The following SRBD1 variants were observed in gnomAD, a reference collection of about 807,000 sequenced individuals.
SRBD1 encodes the protein S1 RNA-binding domain-containing protein 1.
SRBD1 carries 88 observed loss-of-function variants against 115.3 expected under a neutral mutation model. The ratio of observed to expected loss-of-function variants is 0.76; its 90% CI spans 0.64 to 0.91. SRBD1 has a LOEUF of 0.91. Ranked by LOEUF, SRBD1 falls within the 40% of genes least tolerant of loss-of-function variation. The probability of loss-of-function intolerance (pLI) is 0.00; values close to 1 mark genes in which losing one functional copy is unlikely to be tolerated. For missense variants in SRBD1, 1,385 were observed against 1,177.4 expected, an observed-to-expected ratio of 1.18 and a Z score of -2.58; for synonymous variants, 509 against 407.7, an observed-to-expected ratio of 1.25 and a Z score of -2.99.
At chr2:45,553,765 C>G (rs1439160291) in intron 10 of SRBD1, 35 bp from the exon 11 acceptor site, 1 of 1,404,790 alleles carries the variant, frequency 7.1e-7, no homozygotes, top group East Asian at 2.4e-5. Context: ...AAAACTGATG[C>G]AACAATAAAT....
chr2:45,505,348 T>C (rs897963118), intron 14 of SRBD1, among the ~76,000 whole-genome samples: 7 of 152,158 alleles, frequency 4.6e-5, no homozygotes, highest in Non-Finnish European at 8.8e-5. Context: ...GAGCACATTC[T>C]GAAAAGAGCA....
chr2:45,526,006 CT>C lies in SRBD1; in HGVS notation c.1874+20725del, dbSNP rs577429097. Among the ~76,000 whole-genome samples the C allele has an allele frequency of 6.2e-4, 94 of 152,158 alleles. 1 individual carries two copies. The highest frequency in any genetic ancestry group is 9.8e-4 in the Admixed American group (15 of 15,268). ...GTAGATAAATCAGAACCCTCATACA[CT>C]GCTGGTGGGAATGCAGAAGAGTGCC... is the stretch of plus-strand genomic sequence containing the variant. On this transcript the variant is annotated intron_variant, in intron 14 of 20. Coordinates refer to ENST00000263736, the MANE Select transcript of SRBD1 (RefSeq NM_018079.5).
At chr2:45,522,574 C>G (rs1671319562) in intron 14 of SRBD1, among the ~76,000 whole-genome samples, 1 of 152,142 alleles carries the variant, frequency 6.6e-6, no homozygotes, top group South Asian at 2.1e-4. Context: ...AATGCAAATA[C>G]AGTTGACCCT....
intron 14 of SRBD1, among the ~76,000 whole-genome samples, chr2:45,544,152 G>C (rs1179709048): frequency 6.8e-6 from 1 of 147,926 alleles, no homozygotes; most frequent in Non-Finnish European, 1.5e-5. Context: ...AGAATGGCAT[G>C]AACCTGGGAG....
chr2:45,539,837 AAG>A (rs1165103323), intron 14 of SRBD1, among the ~76,000 whole-genome samples: 2 of 152,222 alleles, frequency 1.3e-5, no homozygotes, highest in East Asian at 3.8e-4. Context: ...CAAAAAAGGA[AAG>A]AAAGCATCAC....
chr2:45,545,185 C>T (rs918395246), intron 14 of SRBD1, among the ~76,000 whole-genome samples: 3 of 147,100 alleles, frequency 2.0e-5, no homozygotes, highest in African/African-American at 7.6e-5. Flanking sequence ...GAGGCTGAGG[C>T]AGGAGAGTGG....
intron 9 of SRBD1, 55 bp from the exon 10 acceptor site, chr2:45,562,811 C>A: frequency 8.3e-7 from 1 of 1,200,172 alleles, no homozygotes. Flanking sequence ...TGAAACAAAT[C>A]AGGCGACTAT....
At chr2:45,600,086 T>C (rs1321560232) in intron 3 of SRBD1, among the ~76,000 whole-genome samples, 1 of 152,186 alleles carries the variant, frequency 6.6e-6, no homozygotes, top group Non-Finnish European at 1.5e-5. Flanking sequence ...TGGGTGTGGC[T>C]ATAAAAGGGC....
At chr2:45,491,667 ATATTT>A (rs1222680018) in intron 14 of SRBD1, among the ~76,000 whole-genome samples, 1 of 152,134 alleles carries the variant, frequency 6.6e-6, no homozygotes, top group Non-Finnish European at 1.5e-5. Flanking sequence ...ATAATTTAAG[ATATTT>A]TATTTAAGCA....
chr2:45,448,428 C>T (rs1668893391), intron 16 of SRBD1, among the ~76,000 whole-genome samples: 1 of 152,138 alleles, frequency 6.6e-6, no homozygotes, highest in South Asian at 2.1e-4. Context: ...AAATCCCAAA[C>T]TTGGAGTGGA....
intron 14 of SRBD1, among the ~76,000 whole-genome samples, chr2:45,510,675 T>C (rs1375683329): frequency 6.6e-6 from 1 of 152,238 alleles, no homozygotes; most frequent in Non-Finnish European, 1.5e-5. Flanking sequence ...GAATTGTTTC[T>C]TGTCAAATTA....
At chr2:45,543,275 T>C (rs1024448324) in intron 14 of SRBD1, among the ~76,000 whole-genome samples, 1 of 152,332 alleles carries the variant, frequency 6.6e-6, no homozygotes, top group Admixed American at 6.5e-5. Flanking sequence ...ACTTGCCCCC[T>C]AATATGTGTA....
chr2:45,524,098 G>T (rs559973502), intron 14 of SRBD1, among the ~76,000 whole-genome samples: 2 of 151,962 alleles, frequency 1.3e-5, no homozygotes, highest in Non-Finnish European at 2.9e-5. Context: ...TGACAGAAGG[G>T]AGTATCTTTT....
At chr2:45,558,561 T>C (rs2104087898) in intron 10 of SRBD1, among the ~76,000 whole-genome samples, 1 of 152,312 alleles carries the variant, frequency 6.6e-6, no homozygotes, top group South Asian at 2.1e-4. Flanking sequence ...CTTGTTATGC[T>C]AATTAACTTA....
intron 14 of SRBD1, among the ~76,000 whole-genome samples, chr2:45,503,454 G>A (rs1032721211): frequency 3.9e-5 from 6 of 152,110 alleles, no homozygotes; most frequent in African/African-American, 1.4e-4. Flanking sequence ...AAGATAAATG[G>A]TGCACCATGG....
intron 13 of SRBD1, among the ~76,000 whole-genome samples, chr2:45,547,113 A>G (rs1672145225): frequency 6.6e-6 from 1 of 152,218 alleles, no homozygotes; most frequent in African/African-American, 2.4e-5. Context: ...AACCAAAATC[A>G]GAGATAAGTC....
chr2:45,510,505 G>C (rs1225576115), intron 14 of SRBD1, among the ~76,000 whole-genome samples: 3 of 152,006 alleles, frequency 2.0e-5, no homozygotes, highest in Non-Finnish European at 4.4e-5. Flanking sequence ...GACTATTTTA[G>C]GTGAGGCTCC....
intron 4 of SRBD1, among the ~76,000 whole-genome samples, chr2:45,588,130 ACT>A (rs534567202): frequency 4.1e-4 from 63 of 152,052 alleles, no homozygotes; most frequent in African/African-American, 1.5e-3. Flanking sequence ...CCCTGCATCC[ACT>A]CTGTCTCATC....
At chr2:45,581,634 G>C (rs1307230921) in intron 6 of SRBD1, 59 bp downstream of exon 6, 1 of 1,310,322 alleles carries the variant, frequency 7.6e-7, no homozygotes, top group Non-Finnish European at 1.1e-6. Flanking sequence ...TTAATCATAA[G>C]AAGACCCAAA....
Sources: gnomAD v4.1 joint callset for allele counts (sites outside exome capture counted in the v4.1 genomes callset) on GRCh38, gnomAD v4.1.1 for gene constraint, MANE v1.5 for transcripts, NCBI Gene and HGNC (gene_info 2026-07-23, HGNC 2026-07-21) for gene names.